SHISA9: variants seen among roughly 807,000 people sequenced by gnomAD.
SHISA9 encodes the protein shisa family member 9, also known as protein shisa-9.
Under a neutral mutation model 38.0 loss-of-function variants are expected in SHISA9, and 13 were observed. The observed-to-expected ratio is 0.34, with a 90% CI of 0.22 to 0.54. The LOEUF is 0.54. Ranked by LOEUF, SHISA9 falls within the 20% of genes least tolerant of loss-of-function variation. The probability of loss-of-function intolerance (pLI) is 0.91; values close to 1 mark genes in which losing one functional copy is unlikely to be tolerated. For missense variants in SHISA9, 538 were observed against 575.8 expected (o/e 0.93, Z 0.67); for synonymous variants, 275 against 242.0 (o/e 1.14, Z -1.27).
At chr16:13,526,704 T>G in the SHISA9 span, among the ~76,000 whole-genome samples, 1 of 152,118 alleles carries the variant, frequency 6.6e-6, no homozygotes, top group Non-Finnish European at 1.5e-5. Context: ...ATTTTAAATC[T>G]ATGGTTCTCC....
intron 2 of SHISA9, among the ~76,000 whole-genome samples, chr16:13,110,487 T>G (rs1444337770): frequency 6.6e-6 from 1 of 152,226 alleles, no homozygotes; most frequent in Non-Finnish European, 1.5e-5. Flanking sequence ...TGATGTGTGC[T>G]CCCTGTTTCT....
chr16:13,005,598 C>G (rs1222448078), intron 2 of SHISA9, among the ~76,000 whole-genome samples: 2 of 152,142 alleles, frequency 1.3e-5, no homozygotes, highest in African/African-American at 4.8e-5. Context: ...CATGAGGGTT[C>G]TTGGATTGAC....
the SHISA9 span, among the ~76,000 whole-genome samples, chr16:13,441,745 C>G: frequency 1.1e-3 from 164 of 152,274 alleles, no homozygotes; most frequent in African/African-American, 3.8e-3. Flanking sequence ...GTTAGCCTGT[C>G]AAACCTGGTG....
At chr16:13,200,409 A>AACACACACACACACACACACACACACAC (rs148088145) in intron 2 of SHISA9, among the ~76,000 whole-genome samples, 1 of 136,524 alleles carries the variant, frequency 7.3e-6, no homozygotes, top group African/African-American at 3.0e-5. Context: ...TATATCATGA[A>AACACACACACACACACACACACACACAC]ACACACACAC....
chr16:13,291,635 A>C, the SHISA9 span, among the ~76,000 whole-genome samples: 1 of 152,220 alleles, frequency 6.6e-6, no homozygotes, highest in Non-Finnish European at 1.5e-5. Flanking sequence ...TGTATGTTCT[A>C]GTTCATGTTT....
At chr16:13,539,299 T>A in the SHISA9 span, among the ~76,000 whole-genome samples, 54 of 74,596 alleles carry the variant, frequency 7.2e-4, no homozygotes, top group African/African-American at 2.2e-3. Context: ...CTGGCTAAAT[T>A]TTACATATAT....
At chr16:13,168,183 T>C (rs1419878786) in intron 2 of SHISA9, among the ~76,000 whole-genome samples, 2 of 152,130 alleles carry the variant, frequency 1.3e-5, no homozygotes, top group African/African-American at 4.8e-5. Flanking sequence ...ACCACCTCCG[T>C]TATGGGCTGA....
intron 2 of SHISA9, among the ~76,000 whole-genome samples, chr16:13,011,596 A>C (rs1428675539): frequency 6.6e-6 from 1 of 152,038 alleles, no homozygotes; most frequent in Admixed American, 6.6e-5. Context: ...ATCTCGGCTC[A>C]CTGCAAGCTC....
At position 13,194,036 on chromosome 16, in the gene SHISA9, G is replaced by A. The variant is rs555161755; in HGVS notation, c.692-9358G>A. 2.1e-3 allele frequency among the ~76,000 whole-genome samples: 313 copies of A among 152,212 alleles called. 1 individual carries two copies. Among genetic ancestry groups the A allele is most frequent in the African/African-American group, 7.2e-3 (298 of 41,546 alleles). ...CCCTACCCTGCATCTGAAACCCAAAGAGGGAAAGTCGGTGACATGATCTTA... is the reference window on the plus strand; with the variant it reads ...CCCTACCCTGCATCTGAAACCCAAAAAGGGAAAGTCGGTGACATGATCTTA... On this transcript the variant is annotated intron_variant, in intron 2 of 4. Coordinates refer to ENST00000558583, the MANE Select transcript of SHISA9 (RefSeq NM_001145204.3).
At chr16:13,120,818 T>A (rs1377870732) in intron 2 of SHISA9, among the ~76,000 whole-genome samples, 1 of 152,198 alleles carries the variant, frequency 6.6e-6, no homozygotes, top group African/African-American at 2.4e-5. Context: ...AATGCCTGTA[T>A]GACAGTCAGA....
At chr16:13,338,140 C>T in the SHISA9 span, among the ~76,000 whole-genome samples, 23 of 152,142 alleles carry the variant, frequency 1.5e-4, no homozygotes, top group African/African-American at 5.6e-4. Context: ...TCTAAGGAGA[C>T]AGCTTACCCA....
At chr16:13,521,754 C>A in the SHISA9 span, among the ~76,000 whole-genome samples, 1 of 152,144 alleles carries the variant, frequency 6.6e-6, no homozygotes, top group African/African-American at 2.4e-5. Flanking sequence ...AACTGTTTCA[C>A]GTGTGTTACG....
intron 2 of SHISA9, among the ~76,000 whole-genome samples, chr16:12,931,920 T>A (rs1039247149): frequency 6.6e-6 from 1 of 152,198 alleles, no homozygotes; most frequent in Non-Finnish European, 1.5e-5. Flanking sequence ...CTTCCCATAA[T>A]TCCTACATGT....
chr16:13,164,214 A>G (rs577133371), intron 2 of SHISA9, among the ~76,000 whole-genome samples: 97 of 152,116 alleles, frequency 6.4e-4, no homozygotes, highest in Admixed American at 4.5e-3. Context: ...GCATTTTATC[A>G]CATGATTTTT....
the SHISA9 span, among the ~76,000 whole-genome samples, chr16:13,545,623 C>G: frequency 6.8e-4 from 103 of 152,316 alleles, no homozygotes; most frequent in African/African-American, 2.3e-3. Flanking sequence ...AGTTCCCTCT[C>G]TCTTCCTGAA....
the SHISA9 span, among the ~76,000 whole-genome samples, chr16:13,536,378 C>A: frequency 6.6e-6 from 1 of 152,186 alleles, no homozygotes; most frequent in Non-Finnish European, 1.5e-5. Flanking sequence ...TAAATCTCTG[C>A]TGCAGCATCC....
At chr16:13,008,175 C>T (rs2072622028) in intron 2 of SHISA9, among the ~76,000 whole-genome samples, 1 of 152,170 alleles carries the variant, frequency 6.6e-6, no homozygotes, top group Non-Finnish European at 1.5e-5. Flanking sequence ...GGATTGATAG[C>T]CTGGCATCCT....
At chr16:13,264,459 C>T in the SHISA9 span, among the ~76,000 whole-genome samples, 1 of 152,136 alleles carries the variant, frequency 6.6e-6, no homozygotes, top group South Asian at 2.1e-4. Flanking sequence ...AGGCTTGAGC[C>T]ACCGTGCTGG....
At chr16:12,999,700 G>C (rs544435925) in intron 2 of SHISA9, among the ~76,000 whole-genome samples, 1 of 152,182 alleles carries the variant, frequency 6.6e-6, no homozygotes, top group African/African-American at 2.4e-5. Context: ...ATGGCACCAG[G>C]GTGAGTTTAT....
Sources: allele counts gnomAD v4.1 joint callset (sites outside exome capture counted in the v4.1 genomes callset), GRCh38; gene constraint gnomAD v4.1.1; transcripts MANE v1.5; gene names NCBI Gene and HGNC (gene_info 2026-07-23, HGNC 2026-07-21).